The following SRPRA variants were observed in gnomAD, a reference collection of about 807,000 sequenced individuals.
SRPRA encodes the protein signal recognition particle receptor subunit alpha.
A neutral mutation model predicts 61.1 loss-of-function variants in SRPRA; 30 were observed. The observed-to-expected ratio is 0.49, with a 90% CI of 0.37 to 0.67. The LOEUF (loss-of-function observed/expected upper bound fraction) is 0.67, where lower values mean the gene tolerates loss of function less well. SRPRA is among the 30% of genes least tolerant of loss of function. SRPRA has a pLI of 0.00. For synonymous variants in SRPRA, 324 were observed against 299.7 expected (o/e 1.08, Z -0.84); for missense variants, 759 against 828.4 (o/e 0.92, Z 1.03).
chr11:126,261,685 GTTAA>G (rs566870442), downstream of SRPRA, among the ~76,000 whole-genome samples: 4 of 152,174 alleles, frequency 2.6e-5, no homozygotes, highest in Non-Finnish European at 5.9e-5. Context: ...GCAGTGATCA[GTTAA>G]TTTTTTGAAA....
chr11:126,256,750 CT>C, the SRPRA span: 1 of 1,614,102 alleles, frequency 6.2e-7, no homozygotes, highest in African/African-American at 1.3e-5. The surrounding 1 kb of genome is among the most constrained non-coding windows in gnomAD (Gnocchi z 6.6). Flanking sequence ...AGAAAACATG[CT>C]GGACAAGGGG....
Position 126,265,058 on chromosome 11 carries a change from G to A in SRPRA, c.1426C>T (p.His476Tyr). 1 of 1,614,210 alleles carries A rather than the reference G, an allele frequency of 6.2e-7. No homozygotes were observed. Among genetic ancestry groups the A allele is most frequent in the Admixed American group, 1.7e-5 (1 of 60,030 alleles). Reference sequence around the variant, plus strand: ...CGGCCACCATGCTTCTCTGGAGGGTGTAGGGCACTCAAACGCCGGGTGTGT... The same window carrying A: ...CGGCCACCATGCTTCTCTGGAGGGTATAGGGCACTCAAACGCCGGGTGTGT... ...RTHTRRLSAL[H>Y]PPEKHGGRTM... Residue 476 changes from histidine (H) to tyrosine (Y), a missense_variant, in exon 11 of 14, where the codon CAC (histidine) becomes TAC (tyrosine). Around this residue, in one of 2 missense-constraint regions of SRPRA, gnomAD observed 284 missense variants for 365.9 expected, o/e 0.78. Coordinates refer to ENST00000332118, the MANE Select transcript of SRPRA (RefSeq NM_003139.4). This position sits in a 1 kb window ranked among gnomAD's most constrained non-coding sequence, Gnocchi z 6.3.
the SRPRA span, among the ~76,000 whole-genome samples, chr11:126,252,801 G>A: frequency 6.6e-5 from 10 of 152,144 alleles, no homozygotes; most frequent in African/African-American, 1.4e-4. This position sits in a 1 kb window ranked among gnomAD's most constrained non-coding sequence, Gnocchi z 4.7. Flanking sequence ...TTGGGTGGCC[G>A]AGGTGGGTGG....
At chr11:126,257,897 C>T in the SRPRA span, among the ~76,000 whole-genome samples, 1 of 152,274 alleles carries the variant, frequency 6.6e-6, no homozygotes, top group African/African-American at 2.4e-5. Flanking sequence ...TGATTAGTGG[C>T]TGCAGGCAAA....
At chr11:126,239,755 C>G in the SRPRA span, among the ~76,000 whole-genome samples, 1 of 152,204 alleles carries the variant, frequency 6.6e-6, no homozygotes, top group Non-Finnish European at 1.5e-5. Flanking sequence ...CTCAAGTAAT[C>G]AGCCCACCTT....
At chr11:126,258,981 C>A (rs1032242903), downstream of SRPRA, among the ~76,000 whole-genome samples, 2 of 152,164 alleles carry the variant, frequency 1.3e-5, no homozygotes, top group Non-Finnish European at 2.9e-5. Context: ...GGCTTCCTAC[C>A]AGAGTAGCTT....
the SRPRA span, among the ~76,000 whole-genome samples, chr11:126,239,401 G>A: frequency 6.6e-6 from 1 of 152,146 alleles, no homozygotes; most frequent in Non-Finnish European, 1.5e-5. Context: ...TATACATCTT[G>A]TGAATCCTAG....
chr11:126,250,137 G>T, the SRPRA span, among the ~76,000 whole-genome samples: 1 of 150,260 alleles, frequency 6.7e-6, no homozygotes, highest in African/African-American at 2.4e-5. The surrounding 1 kb of genome is among the most constrained non-coding windows in gnomAD (Gnocchi z 5.1). Flanking sequence ...CGTCGCCCAG[G>T]CTGGAGTGCA....
At position 126,263,527 on chromosome 11, in the gene SRPRA, GTCTCTTAA is replaced by G. The variant is rs1427590172; in HGVS notation, c.*381_*388del. On this transcript the variant is annotated 3_prime_UTR_variant, in exon 14 of 14. Coordinates refer to ENST00000332118, the MANE Select transcript of SRPRA (RefSeq NM_003139.4). ...AAGACCTGGCGCTGGCTCTGGAAGA[GTCTCTTAA>G]CCTAATGCAGCTGGGACTCATTAGG... 5.9e-6 allele frequency: 1 copy of G among 169,224 alleles called. No homozygotes were observed. Among genetic ancestry groups the G allele is most frequent in the Non-Finnish European group, 1.3e-5 (1 of 77,924 alleles). 10.5% of individuals were successfully genotyped at this position (169,224 alleles called of 1,614,324 possible). A position where few individuals can be genotyped will look rare whatever the true frequency, so the allele number is the denominator to read the frequency against.
At chr11:126,261,637 G>GA (rs1950701951), downstream of SRPRA, among the ~76,000 whole-genome samples, 1 of 152,162 alleles carries the variant, frequency 6.6e-6, no homozygotes. Context: ...ACCCATTAAG[G>GA]ATTCTATCTT....
chr11:126,256,931 A>C, the SRPRA span: 1 of 1,397,728 alleles, frequency 7.2e-7, no homozygotes, highest in Non-Finnish European at 9.8e-7. This position sits in a 1 kb window ranked among gnomAD's most constrained non-coding sequence, Gnocchi z 6.6. Flanking sequence ...TGTGATGGGC[A>C]AAATAGTTGC....
At chr11:126,258,286 T>C (rs1486805186), downstream of SRPRA, among the ~76,000 whole-genome samples, 1 of 151,778 alleles carries the variant, frequency 6.6e-6, no homozygotes. Context: ...GCTTGGGAGG[T>C]TGAGGCAGGA....
At chr11:126,266,123 G>A (rs1433449919) in intron 7 of SRPRA, 42 bp from the exon 8 acceptor site, 8 of 1,612,226 alleles carry the variant, frequency 5.0e-6, no homozygotes, top group Non-Finnish European at 6.8e-6. Flanking sequence ...AAACCAGTAG[G>A]CAGGAGTTGT....
At chr11:126,242,526 T>A in the SRPRA span, among the ~76,000 whole-genome samples, 1 of 152,324 alleles carries the variant, frequency 6.6e-6, no homozygotes, top group East Asian at 1.9e-4. Context: ...TATAAAGAAC[T>A]ACTGTAACTT....
rs755960331 is a variant in SRPRA at position 126,267,739 on chromosome 11, G to A, written c.202-27C>T. 13 of 1,613,402 alleles carry A rather than the reference G, an allele frequency of 8.1e-6. No individual in the cohort carries two copies. Among genetic ancestry groups the A allele is most frequent in the Admixed American group, 6.7e-5 (4 of 59,984 alleles). On this transcript the variant is annotated intron_variant, in intron 2 of 13. Coordinates refer to ENST00000332118, the MANE Select transcript of SRPRA (RefSeq NM_003139.4). The surrounding 1 kb of genome is among the most constrained non-coding windows in gnomAD (Gnocchi z 4.2). ...TGTTTAGGGGAAGAAACAGCCAACA[G>A]ATCTGCTTACATACTAGCCTAGAAT...
chr11:126,253,695 C>T, the SRPRA span, among the ~76,000 whole-genome samples: 10 of 152,314 alleles, frequency 6.6e-5, no homozygotes, highest in East Asian at 1.7e-3. This position sits in a 1 kb window ranked among gnomAD's most constrained non-coding sequence, Gnocchi z 5.1. Flanking sequence ...CATCTGATGG[C>T]CGCACCAGGG....
rs972629823 is a variant in SRPRA at position 126,267,852 on chromosome 11, G to A, written c.202-140C>T. On this transcript the variant is annotated intron_variant, in intron 2 of 13. Coordinates refer to ENST00000332118, the MANE Select transcript of SRPRA (RefSeq NM_003139.4). The surrounding 1 kb of genome is among the most constrained non-coding windows in gnomAD (Gnocchi z 4.2). ...GTCCTGAGAGGCAGCCAAGCTCCCT[G>A]CCTGGGCCCAGTAGCTGCTGTTTTC... 7.2e-7 allele frequency: 1 copy of A among 1,397,728 alleles called. No individual in the cohort carries two copies. Among genetic ancestry groups the A allele is most frequent in the African/African-American group, 1.4e-5 (1 of 70,336 alleles). 86.6% of individuals were successfully genotyped at this position (1,397,728 alleles called of 1,614,324 possible).
the SRPRA span, among the ~76,000 whole-genome samples, chr11:126,253,960 G>A: frequency 1.3e-5 from 2 of 152,208 alleles, no homozygotes; most frequent in African/African-American, 4.8e-5. This position sits in a 1 kb window ranked among gnomAD's most constrained non-coding sequence, Gnocchi z 5.1. Context: ...CAAGGGCCTG[G>A]ATACAGAGGC....
chr11:126,263,796 C>A lies in SRPRA; in HGVS notation c.*120G>T. The stretch of plus-strand genomic sequence containing the variant: ...TGGGGTTGGAAGGAGCCACAAGCCC[C>A]CTCACTCTGCCTTTGTACTACACTG... On this transcript the variant is annotated 3_prime_UTR_variant, in exon 14 of 14. Transcript: ENST00000332118. 10 of 1,405,604 alleles carry A rather than the reference C, an allele frequency of 7.1e-6. No homozygotes were observed. The highest frequency in any genetic ancestry group is 9.6e-6 in the Non-Finnish European group (10 of 1,038,626). 87.1% of individuals were successfully genotyped at this position (1,405,604 alleles called of 1,614,324 possible). A position where few individuals can be genotyped will look rare whatever the true frequency, so the allele number is the denominator to read the frequency against.
Sources: allele counts gnomAD v4.1 joint callset (sites outside exome capture counted in the v4.1 genomes callset), GRCh38; gene constraint gnomAD v4.1.1; regional missense constraint gnomAD v4.1.1; non-coding constraint Gnocchi (gnomAD v3.1); transcripts MANE v1.5; gene names NCBI Gene and HGNC (gene_info 2026-07-23, HGNC 2026-07-21).